The following DHX34 variants were observed in gnomAD, a reference collection of about 807,000 sequenced individuals.
DHX34 encodes DExH-box helicase 34.
A neutral mutation model predicts 111.1 loss-of-function variants in DHX34; 96 were observed. That is an observed-to-expected ratio of 0.86 (90% CI 0.73 to 1.02). The LOEUF (loss-of-function observed/expected upper bound fraction) is 1.02, where lower values mean the gene tolerates loss of function less well. Among genes scored for constraint, DHX34 ranks in the 50% least tolerant of loss-of-function variants. The pLI, the probability that DHX34 is intolerant of heterozygous loss-of-function variation, is 0.00. For synonymous variants in DHX34, 688 were observed against 670.4 expected, an observed-to-expected ratio of 1.03 and a Z score of -0.41; for missense variants, 1,560 against 1,579.9, an observed-to-expected ratio of 0.99 and a Z score of 0.21.
rs887740572 is a variant in DHX34 at position 47,362,579 on chromosome 19, C to T, written c.1479C>T (p.Gly493=). 2 of 1,613,600 alleles carry T rather than the reference C, an allele frequency of 1.2e-6. No individual in the cohort carries two copies. The highest frequency in any genetic ancestry group is 2.7e-5 in the African/African-American group (2 of 75,014). ...ASAEQRKGRA[G]RTGPGVCFRL... ...CAGAGCAGCGGAAGGGCCGGGCGGGCCGCACGGGCCCCGGAGTCTGCTTCC... is the reference window on the plus strand; with the variant it reads ...CAGAGCAGCGGAAGGGCCGGGCGGGTCGCACGGGCCCCGGAGTCTGCTTCC... The change falls in exon 6 of 17, where the codon GGC becomes GGT. Residue 493 remains glycine, a synonymous_variant. Coordinates refer to ENST00000328771, the MANE Select transcript of DHX34 (RefSeq NM_014681.6).
At chr19:47,380,080 C>T (rs1599779646) in intron 14 of DHX34, 95 bp downstream of exon 14, 1 of 1,463,074 alleles carries the variant, frequency 6.8e-7, no homozygotes, top group Non-Finnish European at 9.1e-7. Flanking sequence ...CCCATTCACT[C>T]CACATGGGCA....
intron 7 of DHX34, among the ~76,000 whole-genome samples, chr19:47,372,324 C>T (rs758820615): frequency 6.8e-4 from 104 of 152,034 alleles, no homozygotes; most frequent in Non-Finnish European, 5.6e-4. Flanking sequence ...GACACTCTAG[C>T]GCGGAGGAGA....
Position 47,372,784 on chromosome 19 carries a change from T to C in DHX34, c.1823T>C (p.Ile608Thr), listed in dbSNP as rs1599769493. The change falls in exon 8 of 17, where the codon ATC becomes ACC. Residue 608 changes from isoleucine to threonine, a missense_variant. Physicochemically the swap from Ile to Thr is moderately conservative, Grantham distance 89. Coordinates refer to ENST00000328771, the MANE Select transcript of DHX34 (RefSeq NM_014681.6). ...AGCCTGGTGGAGCCTGTGCTCACCA[T>C]CGCAGCCGCACTTAGCGTCCAGTCG... ...MFSLVEPVLT[I>T]AAALSVQSPF... The C allele has an allele frequency of 6.2e-7, 1 of 1,612,652 alleles. No individual in the cohort carries two copies. Among genetic ancestry groups the C allele is most frequent in the East Asian group, 2.2e-5 (1 of 44,874 alleles).
chr19:47,374,265 C>T (rs957764891), intron 9 of DHX34, among the ~76,000 whole-genome samples: 5 of 151,854 alleles, frequency 3.3e-5, no homozygotes, highest in South Asian at 2.1e-4. Context: ...GGTAAAACTC[C>T]GTCTCTTCTA....
chr19:47,351,129 A>G (rs1322805262), intron 1 of DHX34, among the ~76,000 whole-genome samples: 1 of 151,432 alleles, frequency 6.6e-6, no homozygotes, highest in Non-Finnish European at 1.5e-5. Context: ...CAGCATGCAT[A>G]AGCAGTTTCT....
At chr19:47,352,653 A>T in intron 1 of DHX34, 101 bp from the exon 2 acceptor site, 1 of 196,370 alleles carries the variant, frequency 5.1e-6, no homozygotes. Context: ...CCAGCCTGGG[A>T]AACAGAGTGA....
rs1308701918 is a variant in DHX34, at chr19:47,355,149, G to A, written c.816G>A (p.Gln272=). Residue 272 remains glutamine, a synonymous_variant, in exon 3 of 17, where the codon CAG becomes CAA. Transcript: ENST00000328771. ...RQIQREPSLP[Q]YEVLIVDEVH... ...TCCAGCGGGAACCCAGCCTGCCCCA[G>A]TATGAGGTCCTGATTGTGGATGAAG... 6.2e-7 allele frequency: 1 copy of A among 1,613,966 alleles called. No individual in the cohort carries two copies. Among genetic ancestry groups the A allele is most frequent in the African/African-American group, 1.3e-5 (1 of 74,888 alleles).
Position 47,382,108 on chromosome 19 carries a change from G to T in DHX34, c.3427G>T (p.Val1143Leu). ...TEVLRHRKQH[V>L] is the part of the protein sequence containing the mutation. ...GGTGCTGCGCCACCGGAAGCAGCAC[G>T]TGTGAGCTGGGCCAGGAGCCCTGCC... Residue 1143 changes from valine to leucine, a missense_variant, in exon 17 of 17, where the codon GTG becomes TTG. Physicochemically the swap from Val to Leu is conservative, Grantham distance 32. Coordinates refer to ENST00000328771, the MANE Select transcript of DHX34 (RefSeq NM_014681.6). 6.2e-7 allele frequency: 1 copy of T among 1,613,924 alleles called. No homozygotes were observed. Among genetic ancestry groups the T allele is most frequent in the Non-Finnish European group, 8.5e-7 (1 of 1,179,978 alleles).
Position 47,367,017 on chromosome 19 carries a change from C to T in DHX34, c.1630C>T (p.Pro544Ser). The T allele has an allele frequency of 6.3e-7, 1 of 1,581,002 alleles. No homozygotes were observed. Among genetic ancestry groups the T allele is most frequent in the South Asian group, 1.2e-5 (1 of 85,914 alleles). ...GAGTGTGGGGGACCCCCGAACCTTC[C>T]CCTTCATCGAGCCCCCACCACCAGC... ...SMSVGDPRTF[P>S]FIEPPPPASL... The change falls in exon 7 of 17, where the codon CCC becomes TCC. Residue 544 changes from proline (P) to serine (S), a missense_variant. Physicochemically the swap from Pro to Ser is moderately conservative, Grantham distance 74. Coordinates refer to ENST00000328771, the MANE Select transcript of DHX34 (RefSeq NM_014681.6).
Position 47,376,071 on chromosome 19 carries a change from A to T in DHX34, c.2455A>T (p.Asn819Tyr). Residue 819 changes from asparagine to tyrosine, a missense_variant, in exon 11 of 17, where the codon AAC becomes TAC. Coordinates refer to ENST00000328771, the MANE Select transcript of DHX34 (RefSeq NM_014681.6). ...YPQLAVPDAF[N>Y]SSRKDSDQIF... ...ACAGCTGGCCGTCCCCGACGCCTTCAACAGCAGCCGAAAGGACTCAGACCA... is the reference window on the plus strand; with the variant it reads ...ACAGCTGGCCGTCCCCGACGCCTTCTACAGCAGCCGAAAGGACTCAGACCA... The T allele has an allele frequency of 6.4e-7, 1 of 1,572,768 alleles. No homozygotes were observed. Among genetic ancestry groups the T allele is most frequent in the Non-Finnish European group, 8.6e-7 (1 of 1,162,390 alleles).
rs1599779651 is a variant in DHX34 at position 47,380,091 on chromosome 19, CA to C, written c.2982+107del. On this transcript the variant is annotated intron_variant, in intron 14 of 16. Coordinates refer to ENST00000328771, the MANE Select transcript of DHX34 (RefSeq NM_014681.6). Reference sequence around the variant, plus strand: ...GCTTCCCATTCACTCCACATGGGCACATTTGGGGGTTTTCAGGCCACAGAGG... The same window carrying C: ...GCTTCCCATTCACTCCACATGGGCACTTTGGGGGTTTTCAGGCCACAGAGG... 11 of 1,446,778 alleles carry C rather than the reference CA, an allele frequency of 7.6e-6. No individual in the cohort carries two copies. The East Asian group carries it at 2.8e-4, about 36-fold the overall frequency. The allele number at this position is 1,446,778 out of a possible 1,614,324, so 89.6% of individuals were successfully genotyped here.
chr19:47,356,670 C>A (rs1024016636), intron 3 of DHX34, among the ~76,000 whole-genome samples: 1 of 150,790 alleles, frequency 6.6e-6, no homozygotes, highest in Non-Finnish European at 1.5e-5. Flanking sequence ...AGAGAGAGTG[C>A]GAGCCGAGTG....
rs1432158904 is a variant in DHX34 at position 47,377,226 on chromosome 19, C to T, written c.2706+20C>T. On this transcript the variant is annotated intron_variant, in intron 13 of 16. Transcript: ENST00000328771. ...CTCCAGGTGGGCCTCTGCCCCACCC[C>T]GCCCCCATGCCCAGATATGAGAGCT... The T allele has an allele frequency of 2.2e-5, 35 of 1,602,474 alleles. No individual in the cohort carries two copies. Among genetic ancestry groups the T allele is most frequent in the Non-Finnish European group, 3.0e-5 (35 of 1,174,258 alleles).
At position 47,376,549 on chromosome 19, in the gene DHX34, A is replaced by G. The variant is rs1970168396; in HGVS notation, c.2588A>G (p.Asp863Gly). Residue 863 changes from aspartate to glycine, a missense_variant, in exon 12 of 17, where the codon GAC becomes GGC. Coordinates refer to ENST00000328771, the MANE Select transcript of DHX34 (RefSeq NM_014681.6). ...HAQELEASNC[D>G]GSRDDKDKMS... ...CAGGAGCTGGAGGCCAGCAACTGCG[A>G]CGGAAGCCGAGGTACAGTGAGCCCA... The G allele has an allele frequency of 1.3e-6, 2 of 1,562,128 alleles. No homozygotes were observed. The highest frequency in any genetic ancestry group is 1.2e-5 in the South Asian group (1 of 85,288).
At position 47,367,025 on chromosome 19, in the gene DHX34, C is replaced by T. The variant is rs565413804; in HGVS notation, c.1638C>T (p.Ile546=). The T allele has an allele frequency of 1.2e-4, 190 of 1,588,340 alleles. 1 individual carries two copies. In the East Asian group the frequency reaches 4.0e-3, roughly 33 times the overall value. ...SVGDPRTFPF[I]EPPPPASLET... ...GGGACCCCCGAACCTTCCCCTTCAT[C>T]GAGCCCCCACCACCAGCCAGCCTGG... The change falls in exon 7 of 17, where the codon ATC becomes ATT. Residue 546 remains isoleucine (I), a synonymous_variant. Coordinates refer to ENST00000328771, the MANE Select transcript of DHX34 (RefSeq NM_014681.6).
Position 47,353,648 on chromosome 19 carries a change from T to A in DHX34, c.618T>A (p.His206Gln). The A allele has an allele frequency of 6.2e-7, 1 of 1,613,246 alleles. No individual in the cohort carries two copies. The highest frequency in any genetic ancestry group is 8.5e-7 in the Non-Finnish European group (1 of 1,179,942). Reference protein sequence around the residue: ...PQYLLAAGFSHVACTQPRRIA... With the variant: ...PQYLLAAGFSQVACTQPRRIA... ...ACCTGCTGGCTGCTGGCTTCAGTCATGTGGCGTGCACCCAGCCCCGGCGGA... is the reference window on the plus strand; with the variant it reads ...ACCTGCTGGCTGCTGGCTTCAGTCAAGTGGCGTGCACCCAGCCCCGGCGGA... The change falls in exon 2 of 17, where the codon CAT becomes CAA. Residue 206 changes from histidine (H) to glutamine (Q), a missense_variant. His to Gln is a conservative substitution (Grantham distance 24). Transcript: ENST00000328771. The surrounding 1 kb of genome is among the most constrained non-coding windows in gnomAD (Gnocchi z 4.6).
chr19:47,378,867 C>T lies in DHX34; in HGVS notation c.2707-843C>T, dbSNP rs139458733. Among the ~76,000 whole-genome samples the T allele has an allele frequency of 4.7e-3, 714 of 151,882 alleles. 6 individuals are homozygous for T. Among genetic ancestry groups the T allele is most frequent in the African/African-American group, 0.016 (667 of 41,374 alleles). ...ATAATAAGCCGGGCATGGTGGCTCA[C>T]GCCTATAATCCCGGCACTTTGGGAG... On this transcript the variant is annotated intron_variant, in intron 13 of 16. Transcript: ENST00000328771.
At chr19:47,377,277 G>C in intron 13 of DHX34, 71 bp downstream of exon 13, 1 of 1,503,228 alleles carries the variant, frequency 6.7e-7, no homozygotes, top group Admixed American at 2.0e-5. Context: ...GTGGGTGGGG[G>C]CACCGCGTGG....
At chr19:47,350,840 TGAAGAGAGATGCGAGCTGACTAGGACAGG>T (rs1200980525) in intron 1 of DHX34, among the ~76,000 whole-genome samples, 1 of 151,418 alleles carries the variant, frequency 6.6e-6, no homozygotes, top group African/African-American at 2.4e-5. Flanking sequence ...GACTCATAAG[TGAAGAGAGATGCGAGCTGACTAGGACAGG>T]GAAGAGAGAT....
Sources: gnomAD v4.1 joint callset for allele counts (sites outside exome capture counted in the v4.1 genomes callset) on GRCh38, gnomAD v4.1.1 for gene constraint, Gnocchi (gnomAD v3.1) non-coding constraint, MANE v1.5 for transcripts, NCBI Gene and HGNC (gene_info 2026-07-23, HGNC 2026-07-21) for gene names.